The following STK17B variants were observed in gnomAD, a reference collection of about 807,000 sequenced individuals.
STK17B encodes serine/threonine kinase 17b, also known as serine/threonine-protein kinase 17B.
STK17B carries 21 observed loss-of-function variants against 42.0 expected under a neutral mutation model. The observed-to-expected ratio is 0.50, with a 90% CI of 0.35 to 0.72. The LOEUF (loss-of-function observed/expected upper bound fraction) is 0.72. Among genes scored for constraint, STK17B ranks in the 30% least tolerant of loss-of-function variants. The pLI, the probability that STK17B is intolerant of heterozygous loss-of-function variation, is 0.00. For missense variants in STK17B, 349 were observed against 446.0 expected, an observed-to-expected ratio of 0.78 and a Z score of 1.96; for synonymous variants, 143 against 148.4, an observed-to-expected ratio of 0.96 and a Z score of 0.26.
intron 3 of STK17B, chr2:196,154,190 C>T (rs13025305): frequency 0.59 from 89,121 of 151,932 alleles, 26,921 homozygotes; most frequent in East Asian, 0.9. Context: ...GCTGAGATCG[C>T]GCCACTGCAC....
At chr2:196,141,446 G>T in intron 5 of STK17B, 149 bp from the exon 6 acceptor site, 2 of 619,070 alleles carry the variant, frequency 3.2e-6, no homozygotes, top group Admixed American at 2.8e-5. Context: ...GATCACCTGA[G>T]ATCACAGTTC....
intron 3 of STK17B, among the ~76,000 whole-genome samples, chr2:196,150,935 T>C (rs1699657405): frequency 6.6e-6 from 1 of 152,232 alleles, no homozygotes; most frequent in Admixed American, 6.5e-5. Flanking sequence ...CCTATCACAG[T>C]GCCTGCCAGA....
chr2:196,137,334 T>G lies in STK17B; in HGVS notation c.*113A>C. 8.5e-7 allele frequency: 1 copy of G among 1,171,364 alleles called. No individual in the cohort carries two copies. The highest frequency in any genetic ancestry group is 1.6e-5 in the African/African-American group (1 of 64,276). The allele number at this position is 1,171,364 out of a possible 1,614,324, so 72.6% of individuals were successfully genotyped here. ...TAAAACACTTCCCTAAATTATTCCA[T>G]GGAAAAGTGCATTTACAATATAAAC... On this transcript the variant is annotated 3_prime_UTR_variant, in exon 8 of 8. Coordinates refer to ENST00000263955, the MANE Select transcript of STK17B (RefSeq NM_004226.4).
rs1450414760 is a variant in STK17B, at chr2:196,145,972, T to C, written c.419A>G (p.Lys140Arg). The C allele has an allele frequency of 1.2e-6, 2 of 1,607,100 alleles. No individual in the cohort carries two copies. Among genetic ancestry groups the C allele is most frequent in the Non-Finnish European group, 1.7e-6 (2 of 1,178,290 alleles). ...VSENDVIRLI[K>R]QILEGVYYLH... ...ATAATAAACTCCTTCAAGTATTTGT[T>C]TAATGAGTCTGATAACATCATTTTC... is the stretch of plus-strand genomic sequence containing the variant. The change falls in exon 4 of 8, where the codon AAA becomes AGA. Residue 140 changes from lysine to arginine, a missense_variant. Physicochemically the swap from Lys to Arg is conservative, Grantham distance 26 (BLOSUM62 2). Transcript: ENST00000263955.
Position 196,139,657 on chromosome 2 carries a change from T to C in STK17B, c.799A>G (p.Thr267Ala). 1 of 1,451,170 alleles carries C rather than the reference T, an allele frequency of 6.9e-7. No homozygotes were observed. The highest frequency in any genetic ancestry group is 9.1e-7 in the Non-Finnish European group (1 of 1,097,320). The allele number at this position is 1,451,170 out of a possible 1,614,324, so 89.9% of individuals were successfully genotyped here. A position where few individuals can be genotyped will look rare whatever the true frequency, so the allele number is the denominator to read the frequency against. ...ACTAAAAGGCTCTGAATAAAGTCTG[T>C]GGCCAGCTGTGAAACTGATGAAAAA... ...ETFSSVSQLA[T>A]DFIQSLLVKN... Residue 267 changes from threonine (T) to alanine (A), a missense_variant, in exon 7 of 8, where the codon ACA (threonine) becomes GCA (alanine). Transcript: ENST00000263955.
Position 196,163,432 on chromosome 2 carries a change from G to A in STK17B, c.-44-5C>T, listed in dbSNP as rs773826796. On this transcript the variant is annotated splice_polypyrimidine_tract_variant and splice_region_variant and intron_variant, in intron 1 of 7. Transcript: ENST00000263955. ...TCTTTAGTCACTTATTTTTACCTAT[G>A]CAAAAAAAGAGAATACAGAGAAAAG... is the stretch of plus-strand genomic sequence containing the variant. The A allele has an allele frequency of 6.6e-7, 1 of 1,523,950 alleles. No individual in the cohort carries two copies. The highest frequency in any genetic ancestry group is 8.7e-7 in the Non-Finnish European group (1 of 1,143,480). 94.4% of individuals were successfully genotyped at this position (1,523,950 alleles called of 1,614,324 possible).
intron 5 of STK17B, among the ~76,000 whole-genome samples, 188 bp from the exon 6 acceptor site, chr2:196,141,485 G>T (rs990327289): frequency 6.6e-6 from 1 of 151,882 alleles, no homozygotes; most frequent in East Asian, 1.9e-4. Flanking sequence ...ATGGTGAAAC[G>T]CTGTCTCTAC....
chr2:196,145,098 T>C (rs1029914327), intron 4 of STK17B, among the ~76,000 whole-genome samples: 1 of 150,234 alleles, frequency 6.7e-6, no homozygotes, highest in African/African-American at 2.5e-5. Flanking sequence ...GTTGGGGAAA[T>C]AGCAGGGATA....
intron 3 of STK17B, 106 bp downstream of exon 3, chr2:196,156,331 TAA>T: frequency 1.0e-6 from 1 of 976,070 alleles, no homozygotes; most frequent in Non-Finnish European, 1.5e-6. Flanking sequence ...TACATTTTAT[TAA>T]CAGGAATCTT....
chr2:196,155,405 C>T (rs1036409274), intron 3 of STK17B, among the ~76,000 whole-genome samples: 20 of 152,122 alleles, frequency 1.3e-4, no homozygotes, highest in Non-Finnish European at 2.8e-4. Context: ...GCAAAATCTT[C>T]ATTTTCATTC....
chr2:196,172,565 G>A (rs73048490), upstream of STK17B, among the ~76,000 whole-genome samples: 2,741 of 152,258 alleles, frequency 0.018, 80 homozygotes, highest in African/African-American at 0.062. Flanking sequence ...AGGTTTTCTT[G>A]TTCTATCCCA....
At chr2:196,157,715 T>G (rs1018587733) in intron 2 of STK17B, among the ~76,000 whole-genome samples, 5 of 152,180 alleles carry the variant, frequency 3.3e-5, no homozygotes, top group African/African-American at 9.6e-5. Flanking sequence ...TAAGTATGCT[T>G]TTAGCTCTCT....
At chr2:196,171,852 AG>A (rs1397638848), upstream of STK17B, among the ~76,000 whole-genome samples, 1 of 149,888 alleles carries the variant, frequency 6.7e-6, no homozygotes, top group South Asian at 2.1e-4. Context: ...GGCGCTGCAG[AG>A]GGGGCGCGCG....
intron 3 of STK17B, among the ~76,000 whole-genome samples, chr2:196,146,256 C>T (rs1381136124): frequency 1.3e-5 from 2 of 152,086 alleles, no homozygotes; most frequent in Admixed American, 6.6e-5. Context: ...TCTGTAATAC[C>T]AGCACTTTGG....
chr2:196,170,629 TG>T (rs1699927577), intron 1 of STK17B, among the ~76,000 whole-genome samples: 1 of 152,140 alleles, frequency 6.6e-6, no homozygotes, highest in African/African-American at 2.4e-5. Flanking sequence ...ACAAAGAGCC[TG>T]GGTAAATGTC....
At chr2:196,150,424 T>C (rs948801822) in intron 3 of STK17B, among the ~76,000 whole-genome samples, 1 of 152,228 alleles carries the variant, frequency 6.6e-6, no homozygotes, top group Non-Finnish European at 1.5e-5. Flanking sequence ...AAGAGTACTT[T>C]AGCACAGGTT....
rs923888233 is a variant in STK17B at position 196,138,580 on chromosome 2, T to C, written c.837-851A>G. On this transcript the variant is annotated intron_variant, in intron 7 of 7. Coordinates refer to ENST00000263955, the MANE Select transcript of STK17B (RefSeq NM_004226.4). ...CTCCAAATCACTTTTGGTTTTTTTT[T>C]GGTTTTTTTTTTTGCAATGTAGTCT... Among the ~76,000 whole-genome samples, 4 of 151,418 alleles carry C rather than the reference T, an allele frequency of 2.6e-5. No homozygotes were observed. The East Asian group carries it at 7.8e-4, about 30-fold the overall frequency.
In STK17B at chr2:196,161,563, A is replaced by T. The variant is rs143689401; in HGVS notation, c.122+1699T>A. Among the ~76,000 whole-genome samples the T allele has an allele frequency of 8.6e-4, 116 of 135,194 alleles. No homozygotes were observed. The East Asian group carries it at 0.023, about 27-fold the overall frequency. The allele number at this position is 135,194 out of a possible 152,430, so 88.7% of individuals were successfully genotyped here. On this transcript the variant is annotated intron_variant, in intron 2 of 7. Coordinates refer to ENST00000263955, the MANE Select transcript of STK17B (RefSeq NM_004226.4). ...AGACAAAGTCTCACTGTGTTGCCCA[A>T]GCTGGAGTGCAGTGGCATGATATCG... is the stretch of plus-strand genomic sequence containing the variant.
chr2:196,147,844 G>C (rs1267987385), intron 3 of STK17B, among the ~76,000 whole-genome samples: 1 of 151,068 alleles, frequency 6.6e-6, no homozygotes, highest in Non-Finnish European at 1.5e-5. Context: ...AGATTCTCCT[G>C]CCTCAGCCTC....
Sources: allele counts gnomAD v4.1 joint callset (sites outside exome capture counted in the v4.1 genomes callset), GRCh38; gene constraint gnomAD v4.1.1; transcripts MANE v1.5; gene names NCBI Gene and HGNC (gene_info 2026-07-23, HGNC 2026-07-21).